The following EVC variants were observed in gnomAD, a reference collection of about 807,000 sequenced individuals.
EVC encodes the protein EvC ciliary complex subunit 1.
Under a neutral mutation model 118.9 loss-of-function variants are expected in EVC, and 116 were observed. That is an observed-to-expected ratio of 0.98 (90% CI 0.84 to 1.14). The LOEUF (loss-of-function observed/expected upper bound fraction) is 1.14, where lower values mean the gene tolerates loss of function less well. Among genes scored for constraint, EVC ranks in the 50% most tolerant of loss-of-function variants. EVC has a pLI of 0.00. For missense variants in EVC, 1,401 were observed against 1,246.4 expected (o/e 1.12, Z -1.87); for synonymous variants, 619 against 534.7 (o/e 1.16, Z -2.18).
In EVC at chr4:5,745,411, G is replaced by A. The variant is rs1394337056; in HGVS notation, c.939+70G>A. 2.0e-6 allele frequency: 3 copies of A among 1,516,254 alleles called. No individual in the cohort carries two copies. The South Asian group carries it at 3.4e-5, about 17-fold the overall frequency. 93.9% of individuals were successfully genotyped at this position (1,516,254 alleles called of 1,614,324 possible). On this transcript the variant is annotated intron_variant, in intron 7 of 20. Transcript: ENST00000264956. ...AAACAGTTAAATTGGCTACATTAGAGAGATGATAGTTAGAAGTGTGCCTAA... is the reference window on the plus strand; with the variant it reads ...AAACAGTTAAATTGGCTACATTAGAAAGATGATAGTTAGAAGTGTGCCTAA...
chr4:5,740,490 A>C (rs1005922053), intron 5 of EVC, among the ~76,000 whole-genome samples: 4 of 151,850 alleles, frequency 2.6e-5, no homozygotes, highest in Non-Finnish European at 5.9e-5. Flanking sequence ...AAAAAAAAGA[A>C]AAAGAAAAAA....
At chr4:5,752,427 C>G (rs1730523156) in intron 8 of EVC, among the ~76,000 whole-genome samples, 1 of 152,228 alleles carries the variant, frequency 6.6e-6, no homozygotes, top group Non-Finnish European at 1.5e-5. Context: ...TAACAAAAGC[C>G]AGGAACTGCT....
chr4:5,753,451 T>G (rs58485850), intron 9 of EVC, among the ~76,000 whole-genome samples: 2,841 of 152,182 alleles, frequency 0.019, 84 homozygotes, highest in African/African-American at 0.063. Context: ...CATGTGGCCC[T>G]GCTCAGCGGC....
chr4:5,771,569 C>T (rs1733967085), intron 11 of EVC, among the ~76,000 whole-genome samples: 1 of 152,128 alleles, frequency 6.6e-6, no homozygotes, highest in African/African-American at 2.4e-5. Context: ...TTCTGTGTAC[C>T]ACGGAGAAAA....
Position 5,760,377 on chromosome 4 carries a change from G to C in EVC, c.1563+4015G>C, listed in dbSNP as rs145705986. ...GCCTGTGAGAGCTTCAGTGAAGAAAGTGAAGACAGCCTTTTAACGTAACAT... is the reference window on the plus strand; with the variant it reads ...GCCTGTGAGAGCTTCAGTGAAGAAACTGAAGACAGCCTTTTAACGTAACAT... On this transcript the variant is annotated intron_variant, in intron 11 of 20. Transcript: ENST00000264956. Among the ~76,000 whole-genome samples, 17 of 152,154 alleles carry C rather than the reference G, an allele frequency of 1.1e-4. 1 individual carries two copies. The East Asian group carries it at 3.1e-3, about 28-fold the overall frequency.
Position 5,741,733 on chromosome 4 carries a change from T to TA in EVC, c.724dup (p.Met242AsnfsTer5), listed in dbSNP as rs1577395250. 3 of 1,570,040 alleles carry TA rather than the reference T, an allele frequency of 1.9e-6. No homozygotes were observed. Among genetic ancestry groups the TA allele is most frequent in the Non-Finnish European group, 2.6e-6 (3 of 1,141,050 alleles). ...GGCAATAGATGTTTATTCAGATTTT[T>TA]AAAATGTGCCTCCTTGACCTTCTTC... On this transcript the variant is annotated frameshift_variant, in exon 6 of 21. Coordinates refer to ENST00000264956, the MANE Select transcript of EVC (RefSeq NM_153717.3). LOFTEE classifies it high-confidence loss of function.
At position 5,756,200 on chromosome 4, in the gene EVC, T is replaced by A. The variant is rs937655664; in HGVS notation, c.1465-64T>A. On this transcript the variant is annotated intron_variant, in intron 10 of 20. Coordinates refer to ENST00000264956, the MANE Select transcript of EVC (RefSeq NM_153717.3). The surrounding 1 kb of genome is among the most constrained non-coding windows in gnomAD (Gnocchi z 4.2). ...AGATGCAGGGGATGGTTGGAGAACC[T>A]TCTGGAAAAAAAAAAAAAAACCCTG... The A allele has an allele frequency of 7.7e-7, 1 of 1,307,056 alleles. No individual in the cohort carries two copies. Among genetic ancestry groups the A allele is most frequent in the Non-Finnish European group, 1.1e-6 (1 of 928,376 alleles). The allele number at this position is 1,307,056 out of a possible 1,614,324, so 81.0% of individuals were successfully genotyped here. A position where few individuals can be genotyped will look rare whatever the true frequency, so the allele number is the denominator to read the frequency against.
At chr4:5,758,281 G>C (rs1731492687) in intron 11 of EVC, 3 of 575,396 alleles carry the variant, frequency 5.2e-6, no homozygotes, top group Non-Finnish European at 9.2e-6. Context: ...CTCCGGAACG[G>C]TGAGAGAATA....
rs568953135 is a variant in EVC, at chr4:5,802,241, T to C, written c.2449+147T>C. The C allele has an allele frequency of 4.1e-6, 5 of 1,208,076 alleles. No homozygotes were observed. In the South Asian group the frequency reaches 6.9e-5, roughly 17 times the overall value. The allele number at this position is 1,208,076 out of a possible 1,614,324, so 74.8% of individuals were successfully genotyped here. A position where few individuals can be genotyped will look rare whatever the true frequency, so the allele number is the denominator to read the frequency against. ...TTTAATGTATTTATCCCGTGCTTTGTCTCAAAAAGCCTTTTTCAAAAGGCA... is the reference window on the plus strand; with the variant it reads ...TTTAATGTATTTATCCCGTGCTTTGCCTCAAAAAGCCTTTTTCAAAAGGCA... On this transcript the variant is annotated intron_variant, in intron 16 of 20. Coordinates refer to ENST00000264956, the MANE Select transcript of EVC (RefSeq NM_153717.3).
At chr4:5,767,892 G>A (rs186282818) in intron 11 of EVC, among the ~76,000 whole-genome samples, 8 of 152,178 alleles carry the variant, frequency 5.3e-5, no homozygotes, top group South Asian at 2.1e-4. Flanking sequence ...GCTGTAGACC[G>A]GAGCTGTTCC....
intron 11 of EVC, among the ~76,000 whole-genome samples, chr4:5,761,796 C>A (rs1419620645): frequency 6.6e-6 from 1 of 151,780 alleles, no homozygotes; most frequent in East Asian, 1.9e-4. Flanking sequence ...GAGTTGTGTT[C>A]CACCTCTCAT....
the EVC span, chr4:5,825,600 T>C: frequency 6.2e-7 from 1 of 1,604,106 alleles, no homozygotes; most frequent in Non-Finnish European, 8.5e-7. The surrounding 1 kb of genome is among the most constrained non-coding windows in gnomAD (Gnocchi z 4.4). Context: ...TGGGTGTAGC[T>C]GGTACCTCGT....
At chr4:5,791,636 A>C (rs1406656550) in intron 12 of EVC, among the ~76,000 whole-genome samples, 2 of 152,172 alleles carry the variant, frequency 1.3e-5, no homozygotes, top group African/African-American at 4.8e-5. Flanking sequence ...CCTGGGAGAG[A>C]AAAGAATAGC....
chr4:5,717,540 T>A (rs978378954), intron 1 of EVC, among the ~76,000 whole-genome samples: 5 of 152,308 alleles, frequency 3.3e-5, no homozygotes, highest in African/African-American at 1.2e-4. Flanking sequence ...TGGGTTCTTC[T>A]TTGCAGGACC....
chr4:5,748,603 C>CCAT (rs1729788935), intron 8 of EVC, among the ~76,000 whole-genome samples: 1 of 116,388 alleles, frequency 8.6e-6, no homozygotes, highest in African/African-American at 3.5e-5. Flanking sequence ...CATCCATCCA[C>CCAT]CCATCCATCC....
At chr4:5,825,000 T>C in the EVC span, 1 of 985,428 alleles carries the variant, frequency 1.0e-6, no homozygotes. Context: ...TTCCGTTTCC[T>C]CTTTAAATAA....
intron 13 of EVC, 85 bp from the exon 14 acceptor site, chr4:5,796,937 G>A (rs561005079): frequency 1.8e-4 from 188 of 1,028,736 alleles, no homozygotes; most frequent in Non-Finnish European, 2.6e-4. Context: ...GGGGCCTCTT[G>A]TGGGCTGTGG....
At chr4:5,795,110 C>G (rs58609711) in intron 13 of EVC, among the ~76,000 whole-genome samples, 49,153 of 151,968 alleles carry the variant, frequency 0.32, 8,533 homozygotes, top group African/African-American at 0.42. Context: ...GTATATATAC[C>G]ATTTCTTTAT....
At chr4:5,808,468 T>A in intron 18 of EVC, 141 bp downstream of exon 18, 2 of 1,366,064 alleles carry the variant, frequency 1.5e-6, no homozygotes, top group Non-Finnish European at 2.0e-6. Flanking sequence ...GAGTCTCACC[T>A]GCTGAGGGTG....
Sources: allele counts gnomAD v4.1 joint callset (sites outside exome capture counted in the v4.1 genomes callset), GRCh38; gene constraint gnomAD v4.1.1; non-coding constraint Gnocchi (gnomAD v3.1); transcripts MANE v1.5; gene names NCBI Gene and HGNC (gene_info 2026-07-23, HGNC 2026-07-21).